Variants in FHIT observed in about 807,000 individuals in gnomAD.
The protein encoded by FHIT is bis(5'-adenosyl)-triphosphatase.
Under a neutral mutation model 17.9 loss-of-function variants are expected in FHIT, and 19 were observed. The observed-to-expected ratio is 1.06, with a 90% CI of 0.74 to 1.56. FHIT has a LOEUF of 1.56. Among genes scored for constraint, FHIT ranks in the 40% most tolerant of loss-of-function variants. The pLI, the probability that FHIT is intolerant of heterozygous loss-of-function variation, is 0.00. For missense variants in FHIT, 248 were observed against 189.2 expected (o/e 1.31, Z -1.82); for synonymous variants, 81 against 69.7 (o/e 1.16, Z -0.81).
intron 5 of FHIT, among the ~76,000 whole-genome samples, chr3:60,261,401 T>C (rs1014123342): frequency 2.6e-5 from 4 of 152,006 alleles, no homozygotes; most frequent in African/African-American, 7.2e-5. Context: ...ACGGTGAGTA[T>C]TAGAATCATC....
At chr3:60,226,981 AG>A (rs1704238498) in intron 5 of FHIT, among the ~76,000 whole-genome samples, 6 of 152,194 alleles carry the variant, frequency 3.9e-5, no homozygotes, top group Admixed American at 3.9e-4. Flanking sequence ...GACATAAGAA[AG>A]CACTTAATCT....
chr3:59,990,135 G>C (rs923326097), intron 7 of FHIT, among the ~76,000 whole-genome samples: 1 of 152,066 alleles, frequency 6.6e-6, no homozygotes, highest in African/African-American at 2.4e-5. Context: ...ATGGATGATT[G>C]TAATTTCCTG....
intron 1 of FHIT, among the ~76,000 whole-genome samples, chr3:61,225,508 T>G (rs1427134279): frequency 6.6e-6 from 1 of 152,256 alleles, no homozygotes; most frequent in Admixed American, 6.5e-5. Flanking sequence ...TGCTTCTTGT[T>G]GTAAACAAAG....
intron 7 of FHIT, among the ~76,000 whole-genome samples, chr3:59,962,208 A>G (rs1459726226): frequency 1.3e-5 from 2 of 152,188 alleles, no homozygotes; most frequent in East Asian, 3.9e-4. Context: ...TGGTTGAGAG[A>G]GCTTATAAGG....
intron 8 of FHIT, among the ~76,000 whole-genome samples, chr3:59,876,904 C>A (rs1703189476): frequency 3.3e-5 from 5 of 152,208 alleles, no homozygotes; most frequent in Admixed American, 1.3e-4. Context: ...GAAGATGATA[C>A]AATTCCGGTC....
At chr3:60,177,583 A>C (rs764044947) in intron 5 of FHIT, among the ~76,000 whole-genome samples, 14 of 152,210 alleles carry the variant, frequency 9.2e-5, no homozygotes, top group Non-Finnish European at 2.1e-4. Flanking sequence ...GTAATACACC[A>C]TGGAGAAAGG....
At chr3:60,687,245 A>G (rs1310385618) in intron 4 of FHIT, among the ~76,000 whole-genome samples, 1 of 152,096 alleles carries the variant, frequency 6.6e-6, no homozygotes, top group East Asian at 1.9e-4. Context: ...TTAATTCATT[A>G]GTTTTATTTT....
intron 7 of FHIT, among the ~76,000 whole-genome samples, chr3:59,960,350 T>C (rs1221793195): frequency 1.3e-5 from 2 of 152,200 alleles, no homozygotes; most frequent in African/African-American, 4.8e-5. Context: ...CACTTACTGA[T>C]AAATTGGATT....
intron 2 of FHIT, among the ~76,000 whole-genome samples, chr3:61,163,660 G>A (rs1375115914): frequency 6.6e-6 from 1 of 152,158 alleles, no homozygotes; most frequent in Non-Finnish European, 1.5e-5. Flanking sequence ...TGAAGGCACA[G>A]AGATAAAGAG....
At chr3:61,064,104 A>T (rs2034522827) in intron 2 of FHIT, among the ~76,000 whole-genome samples, 1 of 152,218 alleles carries the variant, frequency 6.6e-6, no homozygotes, top group African/African-American at 2.4e-5. Context: ...CAGTGAAGGT[A>T]ACTGAATACT....
In FHIT at chr3:59,780,172, T is replaced by G. The variant is rs1027772605; in HGVS notation, c.349-27851A>C. 2.0e-5 allele frequency among the ~76,000 whole-genome samples: 3 copies of G among 152,196 alleles called. No homozygotes were observed. In the East Asian group the frequency reaches 5.8e-4, roughly 29 times the overall value. On this transcript the variant is annotated intron_variant, in intron 8 of 9. Transcript: ENST00000492590. ...TTGGTCAATCTTTCATAGACACTCT[T>G]ATCTCCTCAAATGGAGACACCATCA... is the stretch of plus-strand genomic sequence containing the variant.
intron 4 of FHIT, among the ~76,000 whole-genome samples, chr3:60,694,589 T>A (rs1167205704): frequency 2.0e-5 from 3 of 152,136 alleles, no homozygotes; most frequent in Non-Finnish European, 4.4e-5. Context: ...ATTATAAATA[T>A]TGCTGCTATA....
intron 7 of FHIT, among the ~76,000 whole-genome samples, chr3:59,973,225 T>C (rs1708265459): frequency 1.3e-5 from 2 of 152,134 alleles, no homozygotes; most frequent in Non-Finnish European, 1.5e-5. Flanking sequence ...AACCGTATAG[T>C]GACGCTCTTG....
intron 5 of FHIT, among the ~76,000 whole-genome samples, chr3:60,032,521 CA>C (rs1318062330): frequency 6.6e-6 from 1 of 151,920 alleles, no homozygotes; most frequent in African/African-American, 2.4e-5. Context: ...CACCAACAGC[CA>C]AAAAGGTGAC....
At chr3:61,138,041 T>G (rs2106984981) in intron 2 of FHIT, among the ~76,000 whole-genome samples, 1 of 152,328 alleles carries the variant, frequency 6.6e-6, no homozygotes. Flanking sequence ...TTGGATAAAT[T>G]ACTTAACCGC....
At chr3:60,427,805 C>T (rs149253935) in intron 5 of FHIT, among the ~76,000 whole-genome samples, 25 of 152,204 alleles carry the variant, frequency 1.6e-4, no homozygotes, top group African/African-American at 5.8e-4. Context: ...CACTACCAAA[C>T]TCCTCATTTG....
At chr3:60,895,294 G>C (rs187011818) in intron 3 of FHIT, among the ~76,000 whole-genome samples, 1 of 152,316 alleles carries the variant, frequency 6.6e-6, no homozygotes, top group East Asian at 1.9e-4. Flanking sequence ...CATTACATCA[G>C]TTGGCACCTG....
intron 2 of FHIT, among the ~76,000 whole-genome samples, chr3:61,136,005 G>C (rs1158044665): frequency 6.6e-6 from 1 of 152,116 alleles, no homozygotes; most frequent in African/African-American, 2.4e-5. Flanking sequence ...GATCATGCTG[G>C]AGGTAGGAGG....
chr3:59,784,427 C>T (rs1026710190), intron 8 of FHIT, among the ~76,000 whole-genome samples: 3 of 152,198 alleles, frequency 2.0e-5, no homozygotes, highest in East Asian at 1.9e-4. Flanking sequence ...CCATTCTTTT[C>T]GGATAAAATC....
Sources: gnomAD v4.1 joint callset for allele counts (sites outside exome capture counted in the v4.1 genomes callset) on GRCh38, gnomAD v4.1.1 for gene constraint, MANE v1.5 for transcripts, NCBI Gene and HGNC (gene_info 2026-07-23, HGNC 2026-07-21) for gene names.